CLSTN2: variants seen among roughly 807,000 people sequenced by gnomAD.
CLSTN2 encodes calsyntenin-2.
In CLSTN2, 48 loss-of-function variants were observed where a neutral mutation model predicts 101.2. The ratio of observed to expected loss-of-function variants is 0.47; its 90% confidence interval spans 0.38 to 0.60. CLSTN2 has a LOEUF of 0.60. Ranked by LOEUF, CLSTN2 falls within the 20% of genes least tolerant of loss-of-function variation. CLSTN2 has a pLI of 0.00. For synonymous variants in CLSTN2, 481 were observed against 463.6 expected (o/e 1.04, Z -0.48); for missense variants, 1,160 against 1,238.2 (o/e 0.94, Z 0.95).
rs539870681 is a variant in CLSTN2 at position 140,254,610 on chromosome 3, A to C, written c.232+78537A>C. 3.3e-5 allele frequency among the ~76,000 whole-genome samples: 5 copies of C among 152,292 alleles called. No homozygotes were observed. In the South Asian group the frequency reaches 1.0e-3, roughly 32 times the overall value. ...CCATTATCTACAGTTTACAGTGAGA[A>C]AATTTAGGCATACAGATGCAGAAGA... On this transcript the variant is annotated intron_variant, in intron 2 of 16. Transcript: ENST00000458420.
chr3:140,233,185 C>A (rs181728944), intron 2 of CLSTN2, among the ~76,000 whole-genome samples: 2 of 152,306 alleles, frequency 1.3e-5, no homozygotes, highest in African/African-American at 4.8e-5. Flanking sequence ...ACTCAAGTCT[C>A]TGGTTCTGCA....
chr3:140,017,258 G>A lies in CLSTN2; in HGVS notation c.109+81775G>A, dbSNP rs543543407. 5.9e-4 allele frequency among the ~76,000 whole-genome samples: 90 copies of A among 152,318 alleles called. 1 individual carries two copies. Among genetic ancestry groups the A allele is most frequent in the African/African-American group, 2.1e-3 (87 of 41,578 alleles). ...CCTGGGCAGGTACTCTCCAGGCACA[G>A]CCTCCTGTTTCAGCTACTGTTCCAT... On this transcript the variant is annotated intron_variant, in intron 1 of 16. Coordinates refer to ENST00000458420, the MANE Select transcript of CLSTN2 (RefSeq NM_022131.3).
intron 1 of CLSTN2, among the ~76,000 whole-genome samples, chr3:140,111,238 G>A (rs1454026743): frequency 7.9e-5 from 12 of 151,848 alleles, no homozygotes; most frequent in South Asian, 2.1e-4. Flanking sequence ...CTCCTTTCTC[G>A]CTCCATGCCT....
At chr3:140,207,482 G>A (rs1194235499) in intron 2 of CLSTN2, among the ~76,000 whole-genome samples, 1 of 152,094 alleles carries the variant, frequency 6.6e-6, no homozygotes, top group Non-Finnish European at 1.5e-5. Flanking sequence ...TTTAAATGGG[G>A]ATAGAAGTAA....
chr3:140,263,476 G>T (rs2086670812), intron 2 of CLSTN2, among the ~76,000 whole-genome samples: 1 of 152,160 alleles, frequency 6.6e-6, no homozygotes, highest in South Asian at 2.1e-4. Context: ...AGGTTGTGGG[G>T]TGTATTGCTC....
At chr3:140,007,574 G>C (rs918761029) in intron 1 of CLSTN2, among the ~76,000 whole-genome samples, 1 of 152,192 alleles carries the variant, frequency 6.6e-6, no homozygotes, top group Non-Finnish European at 1.5e-5. Context: ...GTTTTGAAAA[G>C]GAGAAAAGGA....
At chr3:140,112,346 T>G (rs1416242186) in intron 1 of CLSTN2, among the ~76,000 whole-genome samples, 2 of 145,110 alleles carry the variant, frequency 1.4e-5, no homozygotes, top group African/African-American at 2.7e-5. Flanking sequence ...GAGCAAATAT[T>G]AAAAGTGTGT....
At position 140,268,382 on chromosome 3, in the gene CLSTN2, A is replaced by C. The variant is rs554416354; in HGVS notation, c.232+92309A>C. On this transcript the variant is annotated intron_variant, in intron 2 of 16. Transcript: ENST00000458420. ...GGGGACATAGAAGTGACTGAAGCTC[A>C]GTCTTTCCTCTGAGGAAGTTCAGGA... 3.9e-5 allele frequency among the ~76,000 whole-genome samples: 6 copies of C among 152,320 alleles called. No homozygotes were observed. The South Asian group carries it at 6.2e-4, about 16-fold the overall frequency.
At chr3:140,418,254 C>T (rs1430254850) in intron 4 of CLSTN2, among the ~76,000 whole-genome samples, 3 of 152,034 alleles carry the variant, frequency 2.0e-5, no homozygotes, top group African/African-American at 7.2e-5. Context: ...TTGAGTGTTA[C>T]CAACCAATAC....
intron 2 of CLSTN2, among the ~76,000 whole-genome samples, chr3:140,181,008 C>T (rs1008930337): frequency 4.6e-5 from 7 of 152,178 alleles, no homozygotes; most frequent in African/African-American, 1.7e-4. Context: ...TGGGATAGAC[C>T]CTTGGCAAAG....
chr3:139,980,802 G>A (rs1365989830), intron 1 of CLSTN2, among the ~76,000 whole-genome samples: 1 of 152,070 alleles, frequency 6.6e-6, no homozygotes. Flanking sequence ...CACCCACTGT[G>A]GGCAGAGCAC....
At chr3:140,455,647 G>C (rs773910781) in intron 6 of CLSTN2, among the ~76,000 whole-genome samples, 3 of 152,256 alleles carry the variant, frequency 2.0e-5, no homozygotes, top group Non-Finnish European at 4.4e-5. Context: ...CCTTCACGGA[G>C]GATTCCAAAG....
At chr3:140,056,588 G>A (rs1013944503) in intron 1 of CLSTN2, among the ~76,000 whole-genome samples, 1 of 152,162 alleles carries the variant, frequency 6.6e-6, no homozygotes, top group Non-Finnish European at 1.5e-5. Flanking sequence ...TGAAGGATAG[G>A]GAGCAGCTCC....
chr3:140,354,319 T>C (rs1434668431), intron 2 of CLSTN2, among the ~76,000 whole-genome samples: 1 of 152,222 alleles, frequency 6.6e-6, no homozygotes, highest in Non-Finnish European at 1.5e-5. Context: ...TATCAAGCTT[T>C]GTAAGATTCC....
chr3:140,011,972 G>C (rs1312097327), intron 1 of CLSTN2, among the ~76,000 whole-genome samples: 1 of 152,082 alleles, frequency 6.6e-6, no homozygotes, highest in Non-Finnish European at 1.5e-5. Flanking sequence ...ATACTTCACT[G>C]GAGAAAACCT....
intron 4 of CLSTN2, among the ~76,000 whole-genome samples, chr3:140,419,197 G>A (rs2088465547): frequency 6.6e-6 from 1 of 151,308 alleles, no homozygotes; most frequent in Admixed American, 6.6e-5. Context: ...ATATACCTGA[G>A]TCAGGCTGGG....
chr3:140,430,281 T>C (rs919705440), intron 5 of CLSTN2, among the ~76,000 whole-genome samples: 1 of 152,094 alleles, frequency 6.6e-6, no homozygotes, highest in African/African-American at 2.4e-5. Flanking sequence ...GAAATGAAAA[T>C]ACCTCCTGCA....
intron 2 of CLSTN2, among the ~76,000 whole-genome samples, chr3:140,282,238 C>T (rs1362409084): frequency 1.3e-5 from 2 of 152,176 alleles, no homozygotes; most frequent in African/African-American, 2.4e-5. Context: ...GAATTCCACT[C>T]TCAACTTCTC....
chr3:140,249,118 G>A (rs1383579174), intron 2 of CLSTN2, among the ~76,000 whole-genome samples: 1 of 152,124 alleles, frequency 6.6e-6, no homozygotes, highest in Non-Finnish European at 1.5e-5. Context: ...GACTACTGGA[G>A]CCATGGAGAG....
Sources: allele counts gnomAD v4.1 joint callset (sites outside exome capture counted in the v4.1 genomes callset), GRCh38; gene constraint gnomAD v4.1.1; transcripts MANE v1.5; gene names NCBI Gene and HGNC (gene_info 2026-07-23, HGNC 2026-07-21).